The following SIGLECL1 variants were observed in gnomAD, a reference collection of about 807,000 sequenced individuals.
SIGLECL1 encodes the protein SIGLEC family like 1.
A neutral mutation model predicts 19.1 loss-of-function variants in SIGLECL1; 16 were observed. The observed-to-expected ratio is 0.84, with a 90% CI of 0.57 to 1.27. The LOEUF (loss-of-function observed/expected upper bound fraction) is 1.27. Among genes scored for constraint, SIGLECL1 ranks in the 50% most tolerant of loss-of-function variants. SIGLECL1 has a pLI of 0.00. For missense variants in SIGLECL1, 210 were observed against 239.4 expected (o/e 0.88, Z 0.81); for synonymous variants, 89 against 90.4 (o/e 0.98, Z 0.09).
rs1251427607 is a variant in SIGLECL1, at chr19:51,268,597, A to C, written c.594A>C (p.Ter198TyrextTer85). The change falls in exon 6 of 6, where the codon TAA becomes TAC. Residue 198 changes from the stop codon to tyrosine (Y), a stop_lost. Transcript: ENST00000601727. ...ILEKQDKRAS* is the reference protein window; with the variant it reads ...ILEKQDKRASY ...AAAAGCAAGATAAACGAGCCAGCTA[A>C]GCCTGTGGAACATGCCTCATACCTG... The C allele has an allele frequency of 6.2e-7, 1 of 1,613,854 alleles. No individual in the cohort carries two copies. Among genetic ancestry groups the C allele is most frequent in the African/African-American group, 1.3e-5 (1 of 74,870 alleles).
chr19:51,264,483 A>T (rs572137401), intron 2 of SIGLECL1: 22 of 160,114 alleles, frequency 1.4e-4, no homozygotes, highest in African/African-American at 5.0e-4. Context: ...TCCCCCGCAG[A>T]TTCCTCAACA....
chr19:51,264,754 T>C (rs766118154), intron 2 of SIGLECL1, among the ~76,000 whole-genome samples: 3 of 152,306 alleles, frequency 2.0e-5, no homozygotes, highest in Non-Finnish European at 2.9e-5. Flanking sequence ...GAAGATGCCA[T>C]AGTACATTTG....
chr19:51,261,539 C>T (rs534752561), intron 1 of SIGLECL1, among the ~76,000 whole-genome samples: 3 of 152,278 alleles, frequency 2.0e-5, no homozygotes, highest in South Asian at 2.1e-4. Context: ...CCGCCCGTCT[C>T]GGCCTCCCAA....
chr19:51,268,391 T>C (rs1249201487), intron 5 of SIGLECL1, among the ~76,000 whole-genome samples, 180 bp from the exon 6 acceptor site: 2 of 152,056 alleles, frequency 1.3e-5, no homozygotes, highest in Non-Finnish European at 2.9e-5. Flanking sequence ...GAGGACCAGA[T>C]GGAGAAGACC....
chr19:51,257,543 A>T (rs1382287494), intron 1 of SIGLECL1, among the ~76,000 whole-genome samples: 1 of 152,222 alleles, frequency 6.6e-6, no homozygotes, highest in Non-Finnish European at 1.5e-5. Flanking sequence ...TGTACTAAGG[A>T]ACTTAACCTT....
intron 1 of SIGLECL1, among the ~76,000 whole-genome samples, chr19:51,260,845 C>A (rs1408682037): frequency 6.6e-6 from 1 of 152,108 alleles, no homozygotes; most frequent in Admixed American, 6.5e-5. Flanking sequence ...CAGCTGTGGC[C>A]AATTTCTGTA....
upstream of SIGLECL1, among the ~76,000 whole-genome samples, chr19:51,248,045 T>C (rs1982323156): frequency 6.6e-6 from 1 of 152,206 alleles, no homozygotes; most frequent in South Asian, 2.1e-4. Context: ...GGTAAGGCTT[T>C]TCTTTTTAAT....
chr19:51,265,428 C>T lies in SIGLECL1; in HGVS notation c.83C>T (p.Ser28Phe). 1 of 1,614,116 alleles carries T rather than the reference C, an allele frequency of 6.2e-7. No homozygotes were observed. Among genetic ancestry groups the T allele is most frequent in the Non-Finnish European group, 8.5e-7 (1 of 1,180,024 alleles). The change falls in exon 3 of 6, where the codon TCC becomes TTC. Residue 28 changes from serine to phenylalanine, a missense_variant. Ser to Phe is a radical substitution (Grantham distance 155). Transcript: ENST00000601727. ...GAGAAGACACTGCAGTGCAGCTGTTCCTTCCATGGGATTCCCACACCCTCT... is the reference window on the plus strand; with the variant it reads ...GAGAAGACACTGCAGTGCAGCTGTTTCTTCCATGGGATTCCCACACCCTCT... ...SLEKTLQCSC[S>F]FHGIPTPSVQ... is the part of the protein sequence containing the mutation.
At chr19:51,259,725 A>T (rs1983075448) in intron 1 of SIGLECL1, among the ~76,000 whole-genome samples, 1 of 152,236 alleles carries the variant, frequency 6.6e-6, no homozygotes, top group Admixed American at 6.5e-5. Flanking sequence ...TGCCCAAAAG[A>T]GTCTCGTAAT....
chr19:51,252,899 A>C (rs1337413359), intron 1 of SIGLECL1, among the ~76,000 whole-genome samples: 1 of 152,008 alleles, frequency 6.6e-6, no homozygotes, highest in Non-Finnish European at 1.5e-5. Flanking sequence ...CTGAGGTGAG[A>C]AGACTGCTTG....
At chr19:51,250,777 C>T (rs947979392), upstream of SIGLECL1, among the ~76,000 whole-genome samples, 38 of 152,226 alleles carry the variant, frequency 2.5e-4, no homozygotes, top group Admixed American at 2.4e-3. Context: ...CTCAAGCCCT[C>T]AAGATCCAAT....
chr19:51,253,078 G>A (rs972426350), intron 1 of SIGLECL1, among the ~76,000 whole-genome samples: 6 of 151,304 alleles, frequency 4.0e-5, no homozygotes, highest in African/African-American at 1.5e-4. Context: ...AGTGAGCCAT[G>A]TTCATGCCAC....
At chr19:51,254,967 G>T (rs1982714131) in intron 1 of SIGLECL1, among the ~76,000 whole-genome samples, 3 of 152,080 alleles carry the variant, frequency 2.0e-5, no homozygotes, top group African/African-American at 7.2e-5. Flanking sequence ...ATGGGTTAAA[G>T]ACTTAAATAT....
rs1983855022 is a variant in SIGLECL1, at chr19:51,268,723, C to T, written c.*126C>T. On this transcript the variant is annotated 3_prime_UTR_variant, in exon 6 of 6. Coordinates refer to ENST00000601727, the MANE Select transcript of SIGLECL1 (RefSeq NM_001385465.1). ...AACCTGGAGCCCCCTGGACTCTCCT[C>T]AGCTCACAAAACCCTCTCAATTCCT... The T allele has an allele frequency of 1.1e-4, 96 of 854,828 alleles. 1 individual carries two copies. In the South Asian group the frequency reaches 1.5e-3, roughly 13 times the overall value. 53.0% of individuals were successfully genotyped at this position (854,828 alleles called of 1,614,324 possible). A position where few individuals can be genotyped will look rare whatever the true frequency, so the allele number is the denominator to read the frequency against.
At position 51,268,674 on chromosome 19, in the gene SIGLECL1, A is replaced by G. The variant is rs564713443; in HGVS notation, c.*77A>G. 1 of 1,469,710 alleles carries G rather than the reference A, an allele frequency of 6.8e-7. No individual in the cohort carries two copies. Among genetic ancestry groups the G allele is most frequent in the African/African-American group, 1.4e-5 (1 of 71,130 alleles). The allele number at this position is 1,469,710 out of a possible 1,614,324, so 91.0% of individuals were successfully genotyped here. ...AAGATCTGCAAAATTTATAGCGCTC[A>G]CAGAAACCCTGGAGGCTGTAATAAA... On this transcript the variant is annotated 3_prime_UTR_variant, in exon 6 of 6. Coordinates refer to ENST00000601727, the MANE Select transcript of SIGLECL1 (RefSeq NM_001385465.1).
At chr19:51,253,614 C>T (rs1213362334) in intron 1 of SIGLECL1, among the ~76,000 whole-genome samples, 1 of 152,224 alleles carries the variant, frequency 6.6e-6, no homozygotes, top group African/African-American at 2.4e-5. Context: ...TTCTGGTCCA[C>T]TTCCAGGAAA....
At chr19:51,252,871 T>G (rs1367486010) in intron 1 of SIGLECL1, among the ~76,000 whole-genome samples, 1 of 151,994 alleles carries the variant, frequency 6.6e-6, no homozygotes, top group Non-Finnish European at 1.5e-5. Context: ...ACGGCTGCAA[T>G]CCCAGCACTT....
At chr19:51,262,596 C>A (rs868837434) in intron 1 of SIGLECL1, among the ~76,000 whole-genome samples, 4 of 152,174 alleles carry the variant, frequency 2.6e-5, no homozygotes, top group African/African-American at 9.7e-5. Flanking sequence ...TTTCTTCACA[C>A]AGCACTGTTC....
chr19:51,250,934 T>C (rs1401785055), upstream of SIGLECL1: 4 of 152,234 alleles, frequency 2.6e-5, no homozygotes, highest in Non-Finnish European at 4.4e-5. Context: ...CAGCCTCTGA[T>C]TGGCTATAAA....
Sources: gnomAD v4.1 joint callset for allele counts (sites outside exome capture counted in the v4.1 genomes callset) on GRCh38, gnomAD v4.1.1 for gene constraint, MANE v1.5 for transcripts, NCBI Gene and HGNC (gene_info 2026-07-23, HGNC 2026-07-21) for gene names.